NFIC: variants seen among roughly 807,000 people sequenced by gnomAD.
The protein encoded by NFIC is nuclear factor 1 C-type.
Under a neutral mutation model 54.4 loss-of-function variants are expected in NFIC, and 12 were observed. The ratio of observed to expected loss-of-function variants is 0.22; its 90% confidence interval spans 0.14 to 0.36. The LOEUF (loss-of-function observed/expected upper bound fraction) is 0.36, where lower values mean the gene tolerates loss of function less well. Among genes scored for constraint, NFIC ranks in the 10% least tolerant of loss-of-function variants. The pLI is 1.00. For synonymous variants in NFIC, 322 were observed against 319.2 expected (o/e 1.01, Z -0.09); for missense variants, 575 against 718.2 (o/e 0.80, Z 2.28).
chr19:3,360,873 C>T (rs2080802119), intron 1 of NFIC, among the ~76,000 whole-genome samples: 1 of 152,088 alleles, frequency 6.6e-6, no homozygotes, highest in South Asian at 2.1e-4. Context: ...GGAGAACTGT[C>T]GAGTGGCCGC....
intron 10 of NFIC, among the ~76,000 whole-genome samples, 176 bp from the exon 11 acceptor site, chr19:3,462,576 G>A (rs10410814): frequency 0.06 from 9,129 of 152,142 alleles, 640 homozygotes; most frequent in African/African-American, 0.17. Context: ...AAAGTCACTT[G>A]CCATGGGTCA....
chr19:3,425,012 C>A, intron 2 of NFIC, 94 bp from the exon 3 acceptor site: 1 of 1,355,928 alleles, frequency 7.4e-7, no homozygotes, highest in Non-Finnish European at 1.0e-6. Context: ...AGCACTGGCC[C>A]AGCCCAGGAC....
intron 2 of NFIC, among the ~76,000 whole-genome samples, chr19:3,394,146 G>T (rs889641306): frequency 6.6e-6 from 1 of 151,822 alleles, no homozygotes; most frequent in African/African-American, 2.4e-5. Context: ...CAGGGCATCT[G>T]GAATGATACT....
chr19:3,442,265 T>G (rs1410482545), intron 6 of NFIC, among the ~76,000 whole-genome samples: 4 of 152,200 alleles, frequency 2.6e-5, no homozygotes, highest in Middle Eastern at 6.3e-3. Flanking sequence ...TTTTTGCTGC[T>G]TGTGTAGCTC....
chr19:3,439,757 C>T (rs1414498000), intron 6 of NFIC, among the ~76,000 whole-genome samples: 10 of 140,124 alleles, frequency 7.1e-5, no homozygotes, highest in African/African-American at 2.7e-4. Context: ...GGTGTGATCT[C>T]GGCTCACTGC....
intron 2 of NFIC, among the ~76,000 whole-genome samples, chr19:3,406,728 C>T (rs566869371): frequency 4.1e-4 from 63 of 152,220 alleles, no homozygotes; most frequent in Admixed American, 2.0e-4. Context: ...ACACGGGAAC[C>T]CTGTGGTCAC....
intron 2 of NFIC, among the ~76,000 whole-genome samples, chr19:3,421,241 T>TGCCAGCTGGGCACTGCGGCCTGCTGAGAC (rs566801329): frequency 1.3e-5 from 2 of 152,220 alleles, no homozygotes; most frequent in East Asian, 1.9e-4. Context: ...AACACCCGGA[T>TGCCAGCTGGGCACTGCGGCCTGCTGAGAC]GCCAGCTGGG....
chr19:3,401,376 C>G (rs2081552603), intron 2 of NFIC, among the ~76,000 whole-genome samples: 1 of 152,048 alleles, frequency 6.6e-6, no homozygotes, highest in African/African-American at 2.4e-5. Context: ...CGCCCTGGTG[C>G]AAGCAGGCGG....
At chr19:3,433,886 A>C (rs549424510) in intron 4 of NFIC, among the ~76,000 whole-genome samples, 1 of 152,046 alleles carries the variant, frequency 6.6e-6, no homozygotes, top group South Asian at 2.1e-4. Flanking sequence ...AGGAGACCCC[A>C]AAGGACCCCG....
At position 3,453,886 on chromosome 19, in the gene NFIC, G is replaced by A. The variant is rs780762648; in HGVS notation, c.1393G>A (p.Glu465Lys). The change falls in exon 9 of 11, where the codon GAG (glutamate) becomes AAG (lysine). Residue 465 changes from glutamate (E) to lysine (K), a missense_variant. Around this residue, in one of 3 missense-constraint regions of NFIC, gnomAD observed 447 missense variants for 526.9 expected, o/e 0.85. Coordinates refer to ENST00000443272, the MANE Select transcript of NFIC (RefSeq NM_001245002.2). The surrounding 1 kb of genome is among the most constrained non-coding windows in gnomAD (Gnocchi z 6.7). ...TGCCACCAAACCCGCCACCACCTCC[G>A]AGGGAGGAGCCACGTCGCCGACCTC... ...PPATKPATTS[E>K]GGATSPTSPS... 1.7e-5 allele frequency: 26 copies of A among 1,556,210 alleles called. No homozygotes were observed. Among genetic ancestry groups the A allele is most frequent in the African/African-American group, 8.3e-5 (6 of 72,538 alleles).
chr19:3,359,695 C>G, intron 1 of NFIC: 1 of 1,427,338 alleles, frequency 7.0e-7, no homozygotes, highest in Non-Finnish European at 9.3e-7. Flanking sequence ...GGTACGTCGC[C>G]GCACCCACTT....
At chr19:3,374,199 G>A (rs1373285985) in intron 1 of NFIC, among the ~76,000 whole-genome samples, 1 of 152,198 alleles carries the variant, frequency 6.6e-6, no homozygotes, top group Admixed American at 6.5e-5. Context: ...GAGGAGCACA[G>A]GGAGGTGAGT....
chr19:3,403,074 T>G (rs1454945497), intron 2 of NFIC, among the ~76,000 whole-genome samples: 1 of 152,160 alleles, frequency 6.6e-6, no homozygotes, highest in Admixed American at 6.6e-5. Flanking sequence ...TGCAACAAGT[T>G]CATATTGGGT....
At chr19:3,374,018 G>A (rs1305673815) in intron 1 of NFIC, among the ~76,000 whole-genome samples, 1 of 152,250 alleles carries the variant, frequency 6.6e-6, no homozygotes, top group Non-Finnish European at 1.5e-5. Context: ...ACCCGGAGAA[G>A]AAGGCATTAG....
intron 6 of NFIC, 141 bp from the exon 7 acceptor site, chr19:3,448,873 A>G: frequency 1.5e-6 from 2 of 1,337,538 alleles, no homozygotes; most frequent in Non-Finnish European, 2.0e-6. Context: ...ATGGGCTCAC[A>G]GCCTCTCCCC....
chr19:3,424,094 C>T (rs1414256674), intron 2 of NFIC, among the ~76,000 whole-genome samples: 1 of 152,090 alleles, frequency 6.6e-6, no homozygotes, highest in Non-Finnish European at 1.5e-5. Flanking sequence ...GAGGCATGAT[C>T]TCCACTTGCT....
At position 3,467,947 on chromosome 19, in the gene NFIC, C is replaced by G. The variant is rs2121999167; in HGVS notation, c.*5178C>G. 1 of 151,608 alleles carries G rather than the reference C, an allele frequency of 6.6e-6. No homozygotes were observed. The highest frequency in any genetic ancestry group is 2.4e-5 in the African/African-American group (1 of 41,242). 9.4% of individuals were successfully genotyped at this position (151,608 alleles called of 1,614,324 possible). On this transcript the variant is annotated 3_prime_UTR_variant, in exon 11 of 11. Coordinates refer to ENST00000443272, the MANE Select transcript of NFIC (RefSeq NM_001245002.2). ...TTCCTCCGCATCCTCCCATCTTGCCCCATTTCTGCCACGTCAGACACTTCC... is the reference window on the plus strand; with the variant it reads ...TTCCTCCGCATCCTCCCATCTTGCCGCATTTCTGCCACGTCAGACACTTCC...
At chr19:3,400,470 C>T (rs1451829331) in intron 2 of NFIC, among the ~76,000 whole-genome samples, 1 of 151,710 alleles carries the variant, frequency 6.6e-6, no homozygotes, top group Non-Finnish European at 1.5e-5. Flanking sequence ...GAGTGAGACT[C>T]TGTCTCAGAA....
At position 3,430,931 on chromosome 19, in the gene NFIC, C is replaced by CAAA. The variant is rs59760975; in HGVS notation, c.635-2574_635-2572dup. ...TGGGCGACAGAGTGAGACTCCGTCT[C>CAAA]AAAAAAAAAAAAAAAGAAAAGAAAA... On this transcript the variant is annotated intron_variant, in intron 3 of 10. Transcript: ENST00000443272. Among the ~76,000 whole-genome samples the CAAA allele has an allele frequency of 4.5e-3, 360 of 80,138 alleles. 7 individuals are homozygous for CAAA. The highest frequency in any genetic ancestry group is 0.011 in the Admixed American group (76 of 7,080). 52.6% of individuals were successfully genotyped at this position (80,138 alleles called of 152,430 possible). A position where few individuals can be genotyped will look rare whatever the true frequency, so the allele number is the denominator to read the frequency against.
Sources: gnomAD v4.1 joint callset for allele counts (sites outside exome capture counted in the v4.1 genomes callset) on GRCh38, gnomAD v4.1.1 for gene constraint, gnomAD v4.1.1 regional missense constraint, Gnocchi (gnomAD v3.1) non-coding constraint, MANE v1.5 for transcripts, NCBI Gene and HGNC (gene_info 2026-07-23, HGNC 2026-07-21) for gene names.